The following CDH13 variants were observed in gnomAD, a reference collection of about 807,000 sequenced individuals.
CDH13 encodes the protein cadherin-13.
In CDH13, 24 loss-of-function variants were observed where a neutral mutation model predicts 63.8. The ratio of observed to expected loss-of-function variants is 0.38; its 90% confidence interval spans 0.27 to 0.53. CDH13 has a LOEUF of 0.53. Among genes scored for constraint, CDH13 ranks in the 20% least tolerant of loss-of-function variants. CDH13 has a pLI of 0.85. For synonymous variants in CDH13, 503 were observed against 355.3 expected (o/e 1.42, Z -4.67); for missense variants, 1,049 against 903.1 (o/e 1.16, Z -2.07).
intron 1 of CDH13, among the ~76,000 whole-genome samples, chr16:82,786,270 G>A (rs1308030177): frequency 2.0e-5 from 3 of 151,998 alleles, no homozygotes; most frequent in Non-Finnish European, 4.4e-5. Context: ...TTACAGTTAA[G>A]GTTTGATTTT....
chr16:82,824,379 A>G (rs546446785), intron 1 of CDH13: 5 of 152,314 alleles, frequency 3.3e-5, no homozygotes, highest in Non-Finnish European at 5.9e-5. Context: ...TAACTAGTGG[A>G]TGAAGAGAGT....
Position 83,007,413 on chromosome 16 carries a change from A to G in CDH13, c.158-24597A>G, listed in dbSNP as rs138451259. On this transcript the variant is annotated intron_variant, in intron 2 of 13. Coordinates refer to ENST00000567109, the MANE Select transcript of CDH13 (RefSeq NM_001257.5). The stretch of plus-strand genomic sequence containing the variant: ...TTCAAAATGGCAGTTAGCTTCTCCA[A>G]GGTTATATAACTCTTCAGGTTTTAT... Among the ~76,000 whole-genome samples, 524 of 152,326 alleles carry G rather than the reference A, an allele frequency of 3.4e-3. 2 individuals are homozygous for G. Among genetic ancestry groups the G allele is most frequent in the African/African-American group, 0.012 (503 of 41,560 alleles).
intron 7 of CDH13, among the ~76,000 whole-genome samples, chr16:83,505,398 C>A (rs1015425452): frequency 6.6e-6 from 1 of 152,168 alleles, no homozygotes; most frequent in Admixed American, 6.5e-5. Flanking sequence ...ATTCCTCCCC[C>A]AGGACCCTCC....
Position 83,341,960 on chromosome 16 carries a change from C to T in CDH13, c.637-2902C>T, listed in dbSNP as rs967604844. Among the ~76,000 whole-genome samples the T allele has an allele frequency of 3.4e-5, 5 of 148,886 alleles. No homozygotes were observed. The East Asian group carries it at 7.9e-4, about 24-fold the overall frequency. On this transcript the variant is annotated intron_variant, in intron 5 of 13. Transcript: ENST00000567109. ...ATTCCCTCAGCAATAAGGTTTTCTC[C>T]ACCATTTATTTTGAATAGGTGTCCC...
intron 2 of CDH13, among the ~76,000 whole-genome samples, chr16:82,867,068 C>T (rs10492863): frequency 0.12 from 18,529 of 152,142 alleles, 1,184 homozygotes; most frequent in Admixed American, 0.19. Flanking sequence ...CTGTGTGCTC[C>T]CTAGTGTGTT....
At chr16:83,517,179 A>G (rs751881266) in intron 7 of CDH13, among the ~76,000 whole-genome samples, 13 of 152,194 alleles carry the variant, frequency 8.5e-5, no homozygotes, top group Non-Finnish European at 8.8e-5. Context: ...GAGGTTCCAG[A>G]GCAGCAGGTC....
chr16:83,384,353 C>G (rs1167515006), intron 6 of CDH13, among the ~76,000 whole-genome samples: 1 of 152,204 alleles, frequency 6.6e-6, no homozygotes, highest in Non-Finnish European at 1.5e-5. Context: ...CCAGCAGGCA[C>G]TGGTCCTTCC....
intron 1 of CDH13, among the ~76,000 whole-genome samples, chr16:82,820,012 G>A (rs573477161): frequency 6.6e-6 from 1 of 152,220 alleles, no homozygotes; most frequent in East Asian, 1.9e-4. Flanking sequence ...AGCAGTAGAG[G>A]AGAACACAGC....
intron 2 of CDH13, among the ~76,000 whole-genome samples, chr16:82,900,740 G>A (rs557004526): frequency 1.3e-5 from 2 of 152,344 alleles, no homozygotes; most frequent in South Asian, 4.1e-4. Flanking sequence ...CCAGTGCTAA[G>A]GCAGGTGATA....
intron 7 of CDH13, among the ~76,000 whole-genome samples, chr16:83,516,723 A>C (rs2074706491): frequency 6.6e-6 from 1 of 152,314 alleles, no homozygotes; most frequent in African/African-American, 2.4e-5. Flanking sequence ...ATATATAGTA[A>C]AAAAGCCAGC....
intron 7 of CDH13, among the ~76,000 whole-genome samples, chr16:83,513,931 AG>A (rs1390989899): frequency 6.6e-6 from 1 of 152,210 alleles, no homozygotes; most frequent in Non-Finnish European, 1.5e-5. Flanking sequence ...AAAAAAAGTA[AG>A]GGGTTATTTT....
intron 11 of CDH13, among the ~76,000 whole-genome samples, chr16:83,764,135 C>A (rs62047497): frequency 2.0e-5 from 3 of 152,186 alleles, no homozygotes; most frequent in Non-Finnish European, 2.9e-5. Flanking sequence ...GAGTCATGGA[C>A]TGATCTTCTA....
intron 5 of CDH13, among the ~76,000 whole-genome samples, chr16:83,221,658 G>A (rs541986698): frequency 6.7e-5 from 10 of 149,634 alleles, no homozygotes; most frequent in South Asian, 2.1e-4. Flanking sequence ...GGAGGAAGAC[G>A]GTGGGGGGGC....
At chr16:83,314,315 A>C (rs2090061107) in intron 5 of CDH13, among the ~76,000 whole-genome samples, 1 of 152,144 alleles carries the variant, frequency 6.6e-6, no homozygotes, top group Non-Finnish European at 1.5e-5. Flanking sequence ...ATGTGTCTTA[A>C]TGGGTAACAG....
At chr16:83,100,385 A>G (rs985100661) in intron 3 of CDH13, among the ~76,000 whole-genome samples, 3 of 152,232 alleles carry the variant, frequency 2.0e-5, no homozygotes, top group Non-Finnish European at 4.4e-5. Context: ...CTGTGTGGGC[A>G]GGATTATCTC....
intron 2 of CDH13, among the ~76,000 whole-genome samples, chr16:82,961,048 G>A (rs557368528): frequency 1.6e-4 from 25 of 152,256 alleles, no homozygotes; most frequent in African/African-American, 3.9e-4. Context: ...CAGATGCTCC[G>A]TTTTTATGCA....
intron 4 of CDH13, chr16:83,180,970 A>G: frequency 1.3e-6 from 2 of 1,532,132 alleles, no homozygotes; most frequent in Non-Finnish European, 8.7e-7. Context: ...TGAACATCCT[A>G]TTTGGCGACA....
intron 7 of CDH13, among the ~76,000 whole-genome samples, chr16:83,493,404 G>C (rs2074063641): frequency 6.6e-6 from 1 of 152,228 alleles, no homozygotes; most frequent in African/African-American, 2.4e-5. Context: ...ACAAATGTCT[G>C]CTGAACTCAT....
At chr16:83,793,436 G>A (rs547874227) in intron 13 of CDH13, among the ~76,000 whole-genome samples, 8 of 152,320 alleles carry the variant, frequency 5.3e-5, no homozygotes, top group Non-Finnish European at 7.3e-5. Context: ...GAGGAGCCAC[G>A]AGCAGGTGCT....
Sources: allele counts gnomAD v4.1 joint callset (sites outside exome capture counted in the v4.1 genomes callset), GRCh38; gene constraint gnomAD v4.1.1; transcripts MANE v1.5; gene names NCBI Gene and HGNC (gene_info 2026-07-23, HGNC 2026-07-21).